The following METTL15 variants were observed in gnomAD, a reference collection of about 807,000 sequenced individuals.
METTL15 encodes the protein 12S rRNA N(4)-cytidine methyltransferase METTL15.
Under a neutral mutation model 38.3 loss-of-function variants are expected in METTL15, and 34 were observed. The ratio of observed to expected loss-of-function variants is 0.89; its 90% CI spans 0.68 to 1.18. The LOEUF is 1.18. Among genes scored for constraint, METTL15 ranks in the 50% most tolerant of loss-of-function variants. METTL15 has a pLI of 0.00. For missense variants in METTL15, 438 were observed against 498.4 expected, an observed-to-expected ratio of 0.88 and a Z score of 1.15; for synonymous variants, 162 against 170.9, an observed-to-expected ratio of 0.95 and a Z score of 0.41.
At chr11:28,520,908 T>TTATG (rs1488724425) in intron 6 of METTL15, among the ~76,000 whole-genome samples, 1 of 152,258 alleles carries the variant, frequency 6.6e-6, no homozygotes, top group African/African-American at 2.4e-5. Context: ...TGCTGGATTC[T>TTATG]AACTTATGAA....
At position 28,259,134 on chromosome 11, in the gene METTL15, G is replaced by A. The variant is rs150121955; in HGVS notation, c.408-31072G>A. Among the ~76,000 whole-genome samples the A allele has an allele frequency of 8.1e-4, 123 of 152,138 alleles. No homozygotes were observed. In the East Asian group the frequency reaches 0.019, roughly 23 times the overall value. ...TGACTGGGTCCTTGCCTAAGGCAGC[G>A]GGTTCCCTTCTGGCTTACACCGTGT... On this transcript the variant is annotated intron_variant, in intron 4 of 6. Coordinates refer to ENST00000407364, the MANE Select transcript of METTL15 (RefSeq NM_001113528.2).
At chr11:28,426,746 G>A (rs1332129780) in intron 6 of METTL15, among the ~76,000 whole-genome samples, 1 of 151,524 alleles carries the variant, frequency 6.6e-6, no homozygotes, top group African/African-American at 2.4e-5. Flanking sequence ...TTTGAGAAGT[G>A]TCTGTTCATG....
chr11:28,142,070 G>C (rs1218617470), intron 3 of METTL15, among the ~76,000 whole-genome samples: 1 of 152,148 alleles, frequency 6.6e-6, no homozygotes, highest in Non-Finnish European at 1.5e-5. Flanking sequence ...CAGTTTTACT[G>C]TTATGGGAAA....
chr11:28,196,594 T>G (rs73436571), intron 3 of METTL15, among the ~76,000 whole-genome samples: 21,966 of 151,954 alleles, frequency 0.14, 1,787 homozygotes, highest in East Asian at 0.28. Flanking sequence ...TAGGGGTCTT[T>G]TGAAAGATAG....
At chr11:28,409,156 G>A (rs2133411038) in intron 5 of METTL15, among the ~76,000 whole-genome samples, 1 of 152,138 alleles carries the variant, frequency 6.6e-6, no homozygotes, top group South Asian at 2.1e-4. Flanking sequence ...GCTGAGGTGG[G>A]CGGATCACGA....
At chr11:28,290,101 T>G in intron 4 of METTL15, 105 bp from the exon 5 acceptor site, 1 of 944,578 alleles carries the variant, frequency 1.1e-6, no homozygotes, top group Non-Finnish European at 1.5e-6. Flanking sequence ...TATATATCGG[T>G]TAAATCATGT....
intron 3 of METTL15, among the ~76,000 whole-genome samples, chr11:28,208,203 G>T (rs1852451006): frequency 1.3e-5 from 2 of 152,006 alleles, no homozygotes; most frequent in African/African-American, 4.8e-5. Flanking sequence ...TGTGATGTTA[G>T]GGTGTCAGTT....
intron 3 of METTL15, among the ~76,000 whole-genome samples, chr11:28,194,185 TCTCTCTC>T: frequency 2.9e-4 from 9 of 30,834 alleles, no homozygotes; most frequent in South Asian, 1.9e-3. Context: ...TTTCTCTCTC[TCTCTCTC>T]CTCTCTCTCT....
intron 5 of METTL15, among the ~76,000 whole-genome samples, chr11:28,386,360 A>G (rs1457131229): frequency 6.6e-6 from 1 of 152,004 alleles, no homozygotes; most frequent in African/African-American, 2.4e-5. Flanking sequence ...TTCACTATAA[A>G]CATCAGCAAA....
intron 6 of METTL15, among the ~76,000 whole-genome samples, chr11:28,441,267 C>G (rs1180629230): frequency 1.3e-5 from 2 of 151,616 alleles, no homozygotes. Flanking sequence ...TTAGTAGAGA[C>G]AGGGTTTCAC....
chr11:28,288,074 C>A (rs1475385092), intron 4 of METTL15, among the ~76,000 whole-genome samples: 1 of 152,156 alleles, frequency 6.6e-6, no homozygotes, highest in African/African-American at 2.4e-5. Flanking sequence ...AGCTCAACAT[C>A]ACTGATCATT....
intron 4 of METTL15, among the ~76,000 whole-genome samples, chr11:28,275,015 A>G (rs903225515): frequency 6.6e-6 from 1 of 151,650 alleles, no homozygotes; most frequent in Non-Finnish European, 1.5e-5. Flanking sequence ...GCTTACATCA[A>G]TTAGAAAGAT....
At chr11:28,215,970 G>A (rs1391496369) in intron 4 of METTL15, among the ~76,000 whole-genome samples, 1 of 152,050 alleles carries the variant, frequency 6.6e-6, no homozygotes, top group Non-Finnish European at 1.5e-5. Context: ...ATGACATTGC[G>A]CTCCAACCTT....
intron 5 of METTL15, among the ~76,000 whole-genome samples, chr11:28,395,486 A>C (rs576182780): frequency 5.3e-5 from 8 of 152,250 alleles, no homozygotes; most frequent in Admixed American, 4.6e-4. Context: ...CCTCTACACA[A>C]ATAAACTAGA....
chr11:28,216,126 T>C (rs573013635), intron 4 of METTL15, among the ~76,000 whole-genome samples: 2 of 152,094 alleles, frequency 1.3e-5, no homozygotes, highest in African/African-American at 4.8e-5. Context: ...AATTACTTTG[T>C]TTTTTAGATT....
intron 4 of METTL15, among the ~76,000 whole-genome samples, chr11:28,237,848 T>C (rs1254481555): frequency 6.6e-6 from 1 of 152,220 alleles, no homozygotes; most frequent in East Asian, 1.9e-4. Context: ...GCAGGTCTGT[T>C]GGAGTTTGCT....
At chr11:28,437,741 C>T (rs1298845277) in intron 6 of METTL15, among the ~76,000 whole-genome samples, 1 of 152,188 alleles carries the variant, frequency 6.6e-6, no homozygotes, top group Non-Finnish European at 1.5e-5. Flanking sequence ...TCATTTCTAG[C>T]TGGGTCTCTG....
chr11:28,204,372 C>A (rs1852230576), intron 3 of METTL15, among the ~76,000 whole-genome samples: 1 of 151,304 alleles, frequency 6.6e-6, no homozygotes, highest in Non-Finnish European at 1.5e-5. Context: ...GAATTCACTT[C>A]CCCTAACTTA....
intron 6 of METTL15, among the ~76,000 whole-genome samples, chr11:28,481,815 C>T (rs1195299929): frequency 6.6e-6 from 1 of 152,174 alleles, no homozygotes; most frequent in African/African-American, 2.4e-5. Flanking sequence ...GGCTCAAATA[C>T]CACTTTGGGA....
Sources: allele counts gnomAD v4.1 joint callset (sites outside exome capture counted in the v4.1 genomes callset), GRCh38; gene constraint gnomAD v4.1.1; transcripts MANE v1.5; gene names NCBI Gene and HGNC (gene_info 2026-07-23, HGNC 2026-07-21).